The following SIN3A variants were observed in gnomAD, a reference collection of about 807,000 sequenced individuals.
The protein encoded by SIN3A is paired amphipathic helix protein Sin3a.
SIN3A carries 14 observed loss-of-function variants against 146.1 expected under a neutral mutation model. That is an observed-to-expected ratio of 0.10 (90% CI 0.06 to 0.15). SIN3A has a LOEUF of 0.15. SIN3A is among the 10% of genes least tolerant of loss of function. The pLI is 1.00. For missense variants in SIN3A, 1,028 were observed against 1,576.0 expected (o/e 0.65, Z 5.89); for synonymous variants, 572 against 572.0 (o/e 1.00, Z 0.00).
intron 9 of SIN3A, among the ~76,000 whole-genome samples, chr15:75,406,636 C>T (rs1314088290): frequency 1.3e-5 from 2 of 151,938 alleles, no homozygotes; most frequent in African/African-American, 2.4e-5. Flanking sequence ...TGCAGTGAGC[C>T]GAGATTGCGC....
intron 1 of SIN3A, among the ~76,000 whole-genome samples, chr15:75,440,674 AT>A (rs1253883308): frequency 6.6e-6 from 1 of 151,720 alleles, no homozygotes; most frequent in Non-Finnish European, 1.5e-5. Flanking sequence ...CATTCTATAA[AT>A]TTTTTGTTTC....
At chr15:75,449,670 A>C (rs902009357) in intron 1 of SIN3A, among the ~76,000 whole-genome samples, 1 of 152,256 alleles carries the variant, frequency 6.6e-6, no homozygotes, top group African/African-American at 2.4e-5. Flanking sequence ...TGTACTATGT[A>C]GAGTATAAAT....
At chr15:75,434,657 A>T (rs574768339) in intron 1 of SIN3A, among the ~76,000 whole-genome samples, 16 of 150,872 alleles carry the variant, frequency 1.1e-4, no homozygotes, top group East Asian at 3.9e-4. Context: ...CAAAAAAAAA[A>T]AAAATAAAAG....
At chr15:75,406,324 T>C (rs1441918674) in intron 9 of SIN3A, among the ~76,000 whole-genome samples, 1 of 152,218 alleles carries the variant, frequency 6.6e-6, no homozygotes, top group Non-Finnish European at 1.5e-5. Flanking sequence ...TTTGAAAACA[T>C]GCAAGTAAAT....
chr15:75,372,786 C>A (rs971108793), intron 20 of SIN3A, among the ~76,000 whole-genome samples: 3 of 149,842 alleles, frequency 2.0e-5, no homozygotes, highest in Admixed American at 2.0e-4. Flanking sequence ...CACCACCGCA[C>A]CCCAGCCTAG....
chr15:75,395,405 A>G (rs1411919879), intron 13 of SIN3A, among the ~76,000 whole-genome samples: 1 of 152,206 alleles, frequency 6.6e-6, no homozygotes, highest in Non-Finnish European at 1.5e-5. Context: ...AGAAGAAGAA[A>G]CCATCAATCT....
chr15:75,379,143 C>T (rs1257486409), intron 19 of SIN3A, among the ~76,000 whole-genome samples: 1 of 152,188 alleles, frequency 6.6e-6, no homozygotes, highest in Non-Finnish European at 1.5e-5. Context: ...TCGTGATCCA[C>T]AGCCTCGGCC....
At chr15:75,439,046 T>C (rs944500341) in intron 1 of SIN3A, among the ~76,000 whole-genome samples, 6 of 152,340 alleles carry the variant, frequency 3.9e-5, no homozygotes, top group Middle Eastern at 3.4e-3. Context: ...CACCATTAGA[T>C]CTAATATCCA....
At chr15:75,419,421 G>A (rs143053195) in intron 3 of SIN3A, 2 of 152,066 alleles carry the variant, frequency 1.3e-5, no homozygotes, top group African/African-American at 2.4e-5. Flanking sequence ...CTGCAGAGAC[G>A]GAAAAAGTAC....
intron 1 of SIN3A, among the ~76,000 whole-genome samples, chr15:75,449,333 T>C (rs2074360796): frequency 6.6e-6 from 1 of 152,210 alleles, no homozygotes; most frequent in Non-Finnish European, 1.5e-5. Context: ...ACTCAGGCCC[T>C]ACTAACCAAA....
At chr15:75,404,771 A>AAAAAAAC (rs892452994) in intron 9 of SIN3A, among the ~76,000 whole-genome samples, 14 of 152,052 alleles carry the variant, frequency 9.2e-5, no homozygotes, top group African/African-American at 3.1e-4. Flanking sequence ...AAAAAAATAA[A>AAAAAAAC]AAAAAAACAA....
chr15:75,412,276 G>T (rs2073655039), intron 5 of SIN3A, among the ~76,000 whole-genome samples: 1 of 152,214 alleles, frequency 6.6e-6, no homozygotes. Context: ...GTCCTATGTG[G>T]CTAGTGGCTA....
chr15:75,445,380 C>CAAAA (rs10539996), intron 1 of SIN3A, among the ~76,000 whole-genome samples: 7 of 63,592 alleles, frequency 1.1e-4, no homozygotes, highest in East Asian at 4.0e-4. Flanking sequence ...GACACTGTCT[C>CAAAA]AAAAAAAAAA....
At chr15:75,380,885 G>C in intron 18 of SIN3A, 162 bp from the exon 19 acceptor site, 2 of 574,056 alleles carry the variant, frequency 3.5e-6, no homozygotes, top group Non-Finnish European at 3.2e-6. Context: ...GTAGGTATTG[G>C]AACACGGATT....
intron 9 of SIN3A, 47 bp from the exon 10 acceptor site, chr15:75,402,017 TG>T: frequency 7.8e-7 from 1 of 1,274,858 alleles, no homozygotes. Context: ...TTTCTTAAAG[TG>T]GGGAACTGAA....
Position 75,400,166 on chromosome 15 carries a change from G to C in SIN3A, c.1738-10C>G. 1.4e-6 allele frequency: 2 copies of C among 1,453,436 alleles called. No homozygotes were observed. Among genetic ancestry groups the C allele is most frequent in the Non-Finnish European group, 1.9e-6 (2 of 1,041,194 alleles). 90.0% of individuals were successfully genotyped at this position (1,453,436 alleles called of 1,614,324 possible). ...AGGTATCATTTAAAACCTTTGGGTA[G>C]AAGAAGAGAGACTGAAACAAAAGCC... is the stretch of plus-strand genomic sequence containing the variant. On this transcript the variant is annotated splice_polypyrimidine_tract_variant and intron_variant, in intron 11 of 20. Coordinates refer to ENST00000394947, the MANE Select transcript of SIN3A (RefSeq NM_001145358.2).
intron 13 of SIN3A, 46 bp from the exon 14 acceptor site, chr15:75,394,909 G>T: frequency 6.5e-7 from 1 of 1,541,550 alleles, no homozygotes; most frequent in South Asian, 1.2e-5. Flanking sequence ...GAATTCAGAG[G>T]GTTTAGAAGA....
intron 1 of SIN3A, among the ~76,000 whole-genome samples, chr15:75,444,645 G>A (rs1472135037): frequency 6.6e-6 from 1 of 152,040 alleles, no homozygotes; most frequent in African/African-American, 2.4e-5. Flanking sequence ...GAGGTGGGCA[G>A]ACTGCTTGAG....
chr15:75,454,673 G>T (rs1461093953), upstream of SIN3A, among the ~76,000 whole-genome samples: 1 of 151,660 alleles, frequency 6.6e-6, no homozygotes, highest in African/African-American at 2.4e-5. Flanking sequence ...TCGTGGGCGC[G>T]CACACGCCCG....
Sources: gnomAD v4.1 joint callset for allele counts (sites outside exome capture counted in the v4.1 genomes callset) on GRCh38, gnomAD v4.1.1 for gene constraint, MANE v1.5 for transcripts, NCBI Gene and HGNC (gene_info 2026-07-23, HGNC 2026-07-21) for gene names.